The following GAS2 variants were observed in gnomAD, a reference collection of about 807,000 sequenced individuals.
GAS2 encodes the protein growth arrest-specific protein 2.
GAS2 carries 20 observed loss-of-function variants against 37.5 expected under a neutral mutation model. That is an observed-to-expected ratio of 0.53 (90% confidence interval 0.37 to 0.77). The LOEUF is 0.77. GAS2 is among the 30% of genes least tolerant of loss of function. The probability of loss-of-function intolerance (pLI) is 0.00; values close to 1 mark genes in which losing one functional copy is unlikely to be tolerated. For synonymous variants in GAS2, 144 were observed against 132.2 expected, an observed-to-expected ratio of 1.09 and a Z score of -0.61; for missense variants, 336 against 373.4, an observed-to-expected ratio of 0.90 and a Z score of 0.82.
chr11:22,767,263 T>C (rs1854742890), intron 7 of GAS2, among the ~76,000 whole-genome samples: 1 of 152,106 alleles, frequency 6.6e-6, no homozygotes. Context: ...ATCCTGTTAG[T>C]GATTGATCCA....
At chr11:22,672,784 G>T (rs887347736) in intron 1 of GAS2, 4 of 149,968 alleles carry the variant, frequency 2.7e-5, no homozygotes, top group Non-Finnish European at 4.4e-5. Flanking sequence ...CCAGCTACAG[G>T]GAGAAGTTTT....
intron 7 of GAS2, among the ~76,000 whole-genome samples, chr11:22,793,970 T>TG (rs1856303859): frequency 6.6e-6 from 1 of 152,018 alleles, no homozygotes; most frequent in African/African-American, 2.4e-5. Context: ...TGAAGTATGG[T>TG]GGGGGAGGGG....
chr11:22,731,331 G>A (rs1164909992), intron 4 of GAS2: 1 of 447,698 alleles, frequency 2.2e-6, no homozygotes. Context: ...ATAATTATAG[G>A]ATTTGGAGGC....
chr11:22,770,254 C>T (rs564544028), intron 7 of GAS2, among the ~76,000 whole-genome samples: 17 of 152,204 alleles, frequency 1.1e-4, no homozygotes, highest in African/African-American at 3.4e-4. Flanking sequence ...CCATGGCACA[C>T]GTATACCTAT....
intron 7 of GAS2, among the ~76,000 whole-genome samples, chr11:22,800,665 C>T (rs73484234): frequency 0.19 from 28,297 of 151,902 alleles, 3,184 homozygotes; most frequent in African/African-American, 0.31. Context: ...CAGAATGAAA[C>T]AGATTTGTCA....
At chr11:22,803,343 T>G (rs1451069007) in intron 7 of GAS2, among the ~76,000 whole-genome samples, 2 of 152,176 alleles carry the variant, frequency 1.3e-5, no homozygotes, top group Non-Finnish European at 2.9e-5. Context: ...TTAAATTTAA[T>G]GTTTATTTAA....
At chr11:22,690,105 G>T (rs1387970649) in intron 3 of GAS2, among the ~76,000 whole-genome samples, 2 of 152,060 alleles carry the variant, frequency 1.3e-5, no homozygotes, top group Non-Finnish European at 2.9e-5. Context: ...ATTCTTGGTT[G>T]ATAGTTAATT....
chr11:22,811,173 G>A (rs183435122), intron 7 of GAS2, among the ~76,000 whole-genome samples: 1 of 152,158 alleles, frequency 6.6e-6, no homozygotes, highest in Admixed American at 6.6e-5. Context: ...CCTGGGCCTA[G>A]GGGTAAGTTG....
chr11:22,760,693 T>G (rs1463464309), intron 7 of GAS2, among the ~76,000 whole-genome samples: 3 of 152,118 alleles, frequency 2.0e-5, no homozygotes, highest in Non-Finnish European at 2.9e-5. Context: ...GTAGAAATGA[T>G]TAGGATAAAG....
At chr11:22,709,359 G>A (rs400445) in intron 3 of GAS2, among the ~76,000 whole-genome samples, 41,024 of 151,870 alleles carry the variant, frequency 0.27, 6,348 homozygotes, top group East Asian at 0.62. Flanking sequence ...TCTCCTCAGG[G>A]CATTCTTTGT....
chr11:22,800,680 C>T (rs1051922312), intron 7 of GAS2, among the ~76,000 whole-genome samples: 3 of 152,002 alleles, frequency 2.0e-5, no homozygotes, highest in Non-Finnish European at 2.9e-5. Flanking sequence ...TTGTCACTGT[C>T]ATCCTGAGAG....
intron 7 of GAS2, among the ~76,000 whole-genome samples, chr11:22,762,099 T>C (rs2134373578): frequency 6.6e-6 from 1 of 152,228 alleles, no homozygotes. Context: ...TTGAAGCAAA[T>C]GGAATAATTT....
intron 4 of GAS2, 88 bp from the exon 5 acceptor site, chr11:22,737,617 C>T (rs1487850842): frequency 1.2e-5 from 15 of 1,210,168 alleles, no homozygotes; most frequent in African/African-American, 6.0e-5. Context: ...CCTGGGAGCA[C>T]GAGGAATGAG....
Position 22,749,161 on chromosome 11 carries a change from A to G in GAS2, c.515A>G (p.Glu172Gly). 1 of 1,612,668 alleles carries G rather than the reference A, an allele frequency of 6.2e-7. No homozygotes were observed. Among genetic ancestry groups the G allele is most frequent in the Non-Finnish European group, 8.5e-7 (1 of 1,179,196 alleles). ...EPPGLIKLEK[E>G]IEQEETLSAP... is the part of the protein sequence containing the mutation. ...CCTGGTTTGATAAAGCTGGAAAAAG[A>G]GATTGAACAAGAAGAAACACTTTCT... The change falls in exon 6 of 8, where the codon GAG (glutamate) becomes GGG (glycine). Residue 172 changes from glutamate (E) to glycine (G), a missense_variant. Glu to Gly is a moderately conservative substitution (Grantham distance 98). Coordinates refer to ENST00000454584, the MANE Select transcript of GAS2 (RefSeq NM_001143830.3).
intron 1 of GAS2, among the ~76,000 whole-genome samples, chr11:22,667,376 T>C (rs554332662): frequency 1.2e-4 from 18 of 152,258 alleles, no homozygotes; most frequent in African/African-American, 3.4e-4. Flanking sequence ...ATCCTGAATG[T>C]TTTACTTGAG....
chr11:22,670,354 G>A (rs1305631217), intron 1 of GAS2, among the ~76,000 whole-genome samples: 1 of 151,418 alleles, frequency 6.6e-6, no homozygotes, highest in Non-Finnish European at 1.5e-5. Flanking sequence ...TACTTTGAGA[G>A]GTATATAGCA....
chr11:22,806,680 C>A (rs1298017779), intron 7 of GAS2, among the ~76,000 whole-genome samples: 1 of 152,164 alleles, frequency 6.6e-6, no homozygotes, highest in Non-Finnish European at 1.5e-5. Context: ...TAGCCACTGG[C>A]TTTCTTAGCA....
intron 3 of GAS2, among the ~76,000 whole-genome samples, 182 bp from the exon 4 acceptor site, chr11:22,726,110 A>G (rs965886345): frequency 6.6e-6 from 1 of 152,130 alleles, no homozygotes; most frequent in South Asian, 2.1e-4. Context: ...TTGCAGGAAC[A>G]GATTTTCAGT....
At chr11:22,658,088 C>T (rs571642199) in intron 1 of GAS2, among the ~76,000 whole-genome samples, 7 of 151,356 alleles carry the variant, frequency 4.6e-5, no homozygotes, top group South Asian at 4.2e-4. Flanking sequence ...TGCAGTGACA[C>T]GATCTCAGCT....
Sources: gnomAD v4.1 joint callset for allele counts (sites outside exome capture counted in the v4.1 genomes callset) on GRCh38, gnomAD v4.1.1 for gene constraint, MANE v1.5 for transcripts, NCBI Gene and HGNC (gene_info 2026-07-23, HGNC 2026-07-21) for gene names.